CSMD1: variants seen among roughly 807,000 people sequenced by gnomAD.
CSMD1 encodes the protein CUB and sushi domain-containing protein 1.
A neutral mutation model predicts 417.5 loss-of-function variants in CSMD1; 213 were observed. The ratio of observed to expected loss-of-function variants is 0.51; its 90% CI spans 0.46 to 0.57. The LOEUF is 0.57. CSMD1 is among the 20% of genes least tolerant of loss of function. The pLI is 0.00. For missense variants in CSMD1, 6,923 were observed against 4,529.7 expected (o/e 1.53, Z -15.17); for synonymous variants, 2,862 against 1,736.8 (o/e 1.65, Z -16.11).
chr8:4,415,029 G>A (rs75101602), intron 3 of CSMD1, among the ~76,000 whole-genome samples: 3,569 of 152,298 alleles, frequency 0.023, 53 homozygotes, highest in Non-Finnish European at 0.035. Flanking sequence ...AAGCAAAAAT[G>A]CTATCCTTCG....
At chr8:4,222,766 T>G (rs924362112) in intron 3 of CSMD1, among the ~76,000 whole-genome samples, 6 of 152,144 alleles carry the variant, frequency 3.9e-5, no homozygotes, top group Admixed American at 3.3e-4. Context: ...AGGTTATAGT[T>G]TAGCTCACCG....
chr8:4,606,816 T>A (rs1012383337), intron 2 of CSMD1, among the ~76,000 whole-genome samples: 1 of 152,196 alleles, frequency 6.6e-6, no homozygotes, highest in African/African-American at 2.4e-5. Context: ...AATAGAAAAC[T>A]AATTTTATAA....
intron 3 of CSMD1, among the ~76,000 whole-genome samples, chr8:4,414,917 T>A (rs1796845055): frequency 6.6e-6 from 1 of 152,156 alleles, no homozygotes; most frequent in Admixed American, 6.5e-5. Context: ...AATTCAGAAT[T>A]CATTTAATCC....
At chr8:4,152,175 C>G (rs1796602897) in intron 3 of CSMD1, among the ~76,000 whole-genome samples, 1 of 152,098 alleles carries the variant, frequency 6.6e-6, no homozygotes, top group South Asian at 2.1e-4. Flanking sequence ...AAAACTGTAG[C>G]TAACATAGTT....
At chr8:4,669,270 G>T (rs1259561751) in intron 1 of CSMD1, among the ~76,000 whole-genome samples, 1 of 152,016 alleles carries the variant, frequency 6.6e-6, no homozygotes, top group African/African-American at 2.4e-5. Context: ...TTTTACCTCT[G>T]TTATCGTTTA....
intron 5 of CSMD1, among the ~76,000 whole-genome samples, chr8:3,791,972 C>T (rs1259845769): frequency 6.6e-6 from 1 of 151,984 alleles, no homozygotes; most frequent in Non-Finnish European, 1.5e-5. Context: ...AGACACATCA[C>T]TTCCTTGTTC....
At chr8:4,151,576 T>C (rs1459572344) in intron 3 of CSMD1, among the ~76,000 whole-genome samples, 1 of 152,206 alleles carries the variant, frequency 6.6e-6, no homozygotes, top group African/African-American at 2.4e-5. Flanking sequence ...GGAATTAAAA[T>C]GTTATCCTTG....
At chr8:4,071,919 C>A (rs1799579513) in intron 3 of CSMD1, among the ~76,000 whole-genome samples, 1 of 152,158 alleles carries the variant, frequency 6.6e-6, no homozygotes, top group South Asian at 2.1e-4. Context: ...GCTCAAGAGT[C>A]AAAGTCTGGG....
At chr8:3,681,052 G>A (rs1799634848) in intron 7 of CSMD1, among the ~76,000 whole-genome samples, 1 of 152,104 alleles carries the variant, frequency 6.6e-6, no homozygotes, top group African/African-American at 2.4e-5. Context: ...ACTAATAAGA[G>A]CTATTTAAGA....
intron 1 of CSMD1, among the ~76,000 whole-genome samples, chr8:4,766,879 C>A (rs1314579570): frequency 6.6e-6 from 1 of 152,090 alleles, no homozygotes; most frequent in African/African-American, 2.4e-5. Flanking sequence ...TACATTAAAT[C>A]TTATGTTGAT....
intron 26 of CSMD1, among the ~76,000 whole-genome samples, chr8:3,279,894 C>T (rs1376725795): frequency 6.6e-6 from 1 of 152,186 alleles, no homozygotes; most frequent in Non-Finnish European, 1.5e-5. Flanking sequence ...CACCTGGTCC[C>T]ACCCTTGACA....
intron 1 of CSMD1, among the ~76,000 whole-genome samples, chr8:4,974,568 T>A (rs529665518): frequency 1.3e-5 from 2 of 152,152 alleles, no homozygotes; most frequent in Non-Finnish European, 2.9e-5. Flanking sequence ...GAAAAAAGAT[T>A]GGAGTCGACG....
intron 5 of CSMD1, among the ~76,000 whole-genome samples, chr8:3,838,098 G>A (rs746856607): frequency 2.6e-5 from 4 of 151,992 alleles, no homozygotes; most frequent in Admixed American, 6.6e-5. Context: ...AGCAGAAACT[G>A]GAATTTCTAA....
chr8:4,642,878 T>G (rs544670018), intron 1 of CSMD1, among the ~76,000 whole-genome samples: 48 of 152,310 alleles, frequency 3.2e-4, no homozygotes, highest in Non-Finnish European at 6.5e-4. Context: ...TAGAAAGATG[T>G]GGACTATACT....
At chr8:4,371,813 AT>A (rs1464985761) in intron 3 of CSMD1, among the ~76,000 whole-genome samples, 3 of 152,194 alleles carry the variant, frequency 2.0e-5, no homozygotes, top group Non-Finnish European at 4.4e-5. Context: ...CTGCCAAGCA[AT>A]TGTAGTGGAG....
intron 15 of CSMD1, among the ~76,000 whole-genome samples, chr8:3,405,408 T>C (rs1342912405): frequency 6.6e-6 from 1 of 152,090 alleles, no homozygotes; most frequent in Admixed American, 6.6e-5. Context: ...AACAGAAATA[T>C]GAAGAAGAAA....
chr8:4,195,168 T>C (rs1165009695), intron 3 of CSMD1, among the ~76,000 whole-genome samples: 2 of 152,212 alleles, frequency 1.3e-5, no homozygotes, highest in Non-Finnish European at 2.9e-5. Context: ...AGAACATGTG[T>C]GTACACTGAC....
chr8:4,939,541 C>T (rs571796195), intron 1 of CSMD1, among the ~76,000 whole-genome samples: 80 of 152,156 alleles, frequency 5.3e-4, no homozygotes, highest in African/African-American at 1.7e-3. Flanking sequence ...ATGAGCCAGG[C>T]GCAGAAAGAC....
intron 2 of CSMD1, among the ~76,000 whole-genome samples, chr8:4,625,186 C>A (rs919435534): frequency 7.0e-6 from 1 of 143,418 alleles, no homozygotes; most frequent in Non-Finnish European, 1.5e-5. Context: ...GATACAGAGA[C>A]CCACAGGCAA....
Sources: allele counts gnomAD v4.1 joint callset (sites outside exome capture counted in the v4.1 genomes callset), GRCh38; gene constraint gnomAD v4.1.1; transcripts MANE v1.5; gene names NCBI Gene and HGNC (gene_info 2026-07-23, HGNC 2026-07-21).